The following MEGF8 variants were observed in gnomAD, a reference collection of about 807,000 sequenced individuals.
The protein encoded by MEGF8 is multiple epidermal growth factor-like domains protein 8.
In MEGF8, 156 loss-of-function variants were observed where a neutral mutation model predicts 302.9. The ratio of observed to expected loss-of-function variants is 0.52; its 90% CI spans 0.45 to 0.59. MEGF8 has a LOEUF of 0.59. MEGF8 is among the 20% of genes least tolerant of loss of function. MEGF8 has a pLI of 0.00. For synonymous variants in MEGF8, 1,621 were observed against 1,660.5 expected (o/e 0.98, Z 0.58); for missense variants, 3,345 against 3,964.5 (o/e 0.84, Z 4.20).
intron 38 of MEGF8, 139 bp from the exon 39 acceptor site, chr19:42,370,050 C>T (rs1027773385): frequency 1.3e-5 from 13 of 985,182 alleles, no homozygotes; most frequent in Non-Finnish European, 1.9e-5. Flanking sequence ...GGGCTAAATC[C>T]CGCTGGGATT....
Position 42,334,230 on chromosome 19 carries a change from C to T in MEGF8, c.558+17C>T. 6.4e-7 allele frequency: 1 copy of T among 1,567,826 alleles called. No individual in the cohort carries two copies. The highest frequency in any genetic ancestry group is 8.6e-7 in the Non-Finnish European group (1 of 1,156,812). ...TGCGCCTCGGTGAGCCGGTCCCCAG[C>T]CCTGTTTCCCCTGGGGCCCTGATCT... On this transcript the variant is annotated intron_variant, in intron 3 of 41. Coordinates refer to ENST00000251268, the MANE Select transcript of MEGF8 (RefSeq NM_001271938.2).
intron 35 of MEGF8, among the ~76,000 whole-genome samples, chr19:42,366,874 C>G (rs1419498364): frequency 1.3e-5 from 2 of 152,190 alleles, no homozygotes; most frequent in African/African-American, 4.8e-5. Context: ...AAATTTAGAT[C>G]TGGAAGCCCA....
At chr19:42,340,522 C>G (rs755415685) in intron 8 of MEGF8, among the ~76,000 whole-genome samples, 6 of 152,142 alleles carry the variant, frequency 3.9e-5, no homozygotes, top group Admixed American at 6.6e-5. Flanking sequence ...AGCCACCGTG[C>G]CTGGCCTAAT....
rs377685078 is a variant in MEGF8, at chr19:42,359,175, C to A, written c.5421C>A (p.Asp1807Glu). ...TTCTTGGGGGGCGCTCGGACCCTGA[C>A]GAGTTCAGCAGCGACGTTCTGCTCT... ...MVVLGGRSDPDEFSSDVLLYQ... is the reference protein window; with the variant it reads ...MVVLGGRSDPEEFSSDVLLYQ... Residue 1807 changes from aspartate to glutamate, a missense_variant, in exon 31 of 42, where the codon GAC becomes GAA. Coordinates refer to ENST00000251268, the MANE Select transcript of MEGF8 (RefSeq NM_001271938.2). 6.2e-7 allele frequency: 1 copy of A among 1,604,042 alleles called. No homozygotes were observed. The highest frequency in any genetic ancestry group is 8.5e-7 in the Non-Finnish European group (1 of 1,175,380).
chr19:42,369,523 C>T lies in MEGF8; in HGVS notation c.6642-8C>T, dbSNP rs769196673. 4.4e-6 allele frequency: 7 copies of T among 1,600,614 alleles called. No individual in the cohort carries two copies. The highest frequency in any genetic ancestry group is 5.1e-6 in the Non-Finnish European group (6 of 1,175,044). ...CCACCTGCCCTGACCCCCACTTTGC[C>T]CCTGCAGCATGACAGGGCTGTGCCG... On this transcript the variant is annotated splice_polypyrimidine_tract_variant and splice_region_variant and intron_variant, in intron 37 of 41. Coordinates refer to ENST00000251268, the MANE Select transcript of MEGF8 (RefSeq NM_001271938.2). The surrounding 1 kb of genome is among the most constrained non-coding windows in gnomAD (Gnocchi z 5.7).
Position 42,337,865 on chromosome 19 carries a change from G to A in MEGF8, c.1513+659G>A, listed in dbSNP as rs193263109. 3.4e-4 allele frequency among the ~76,000 whole-genome samples: 51 copies of A among 151,986 alleles called. No individual in the cohort carries two copies. In the East Asian group the frequency reaches 7.7e-3, roughly 23 times the overall value. On this transcript the variant is annotated intron_variant, in intron 8 of 41. Transcript: ENST00000251268. ...GTCGCCCGGGCTAGAGTGCAGTAGC[G>A]TGATCTCAGCTCACTGCGACCTCCA...
chr19:42,353,746 C>T lies in MEGF8; in HGVS notation c.3762-29C>T. On this transcript the variant is annotated intron_variant, in intron 21 of 41. Transcript: ENST00000251268. The surrounding 1 kb of genome is among the most constrained non-coding windows in gnomAD (Gnocchi z 6.1). ...CACAGTGGGGAGGGTCAGGACTGGTCTGACACTGGCTCTTCTCCATCTCCC... is the reference window on the plus strand; with the variant it reads ...CACAGTGGGGAGGGTCAGGACTGGTTTGACACTGGCTCTTCTCCATCTCCC... The T allele has an allele frequency of 6.3e-7, 1 of 1,580,736 alleles. No homozygotes were observed. Among genetic ancestry groups the T allele is most frequent in the Non-Finnish European group, 8.6e-7 (1 of 1,159,334 alleles).
chr19:42,377,376 G>A lies in MEGF8; in HGVS notation c.*601G>A, dbSNP rs1285319476. ...GAGATGAGGCTGGGGATAGTCAGGG[G>A]CTGGATCACCCAGGGCCTTGTGGGC... is the stretch of plus-strand genomic sequence containing the variant. On this transcript the variant is annotated 3_prime_UTR_variant, in exon 42 of 42. Transcript: ENST00000251268. 6.5e-6 allele frequency: 1 copy of A among 152,832 alleles called. No individual in the cohort carries two copies. The highest frequency in any genetic ancestry group is 2.4e-5 in the African/African-American group (1 of 41,448). 9.5% of individuals were successfully genotyped at this position (152,832 alleles called of 1,614,324 possible).
At position 42,344,900 on chromosome 19, in the gene MEGF8, A is replaced by G. The variant is rs778608025; in HGVS notation, c.2097+67A>G. On this transcript the variant is annotated intron_variant, in intron 12 of 41. Transcript: ENST00000251268. This position sits in a 1 kb window ranked among gnomAD's most constrained non-coding sequence, Gnocchi z 4.5. ...TGATCCTAGGGTTTGTTTTTTCTCAAATGCATCTTTATCACTCTTATGTTT... is the reference window on the plus strand; with the variant it reads ...TGATCCTAGGGTTTGTTTTTTCTCAGATGCATCTTTATCACTCTTATGTTT... The G allele has an allele frequency of 1.4e-6, 2 of 1,429,488 alleles. No homozygotes were observed. The highest frequency in any genetic ancestry group is 1.4e-5 in the African/African-American group (1 of 69,064). The allele number at this position is 1,429,488 out of a possible 1,614,324, so 88.6% of individuals were successfully genotyped here. A position where few individuals can be genotyped will look rare whatever the true frequency, so the allele number is the denominator to read the frequency against.
chr19:42,333,823 A>C, intron 2 of MEGF8, 55 bp downstream of exon 2: 1 of 1,595,596 alleles, frequency 6.3e-7, no homozygotes. Context: ...AGAAGAAAGG[A>C]GGGACAGAGA....
At chr19:42,365,833 C>T (rs1354796411) in intron 35 of MEGF8, among the ~76,000 whole-genome samples, 9 of 148,206 alleles carry the variant, frequency 6.1e-5, no homozygotes, top group African/African-American at 2.3e-4. Context: ...CCTGTAATCC[C>T]AGCACTTTGG....
rs377685078 is a variant in MEGF8, at chr19:42,359,175, C to T, written c.5421C>T (p.Asp1807=). 1.5e-5 allele frequency: 24 copies of T among 1,604,160 alleles called. No homozygotes were observed. Among genetic ancestry groups the T allele is most frequent in the African/African-American group, 2.7e-5 (2 of 74,404 alleles). The change falls in exon 31 of 42, where the codon GAC becomes GAT. Residue 1807 remains aspartate, a synonymous_variant. Coordinates refer to ENST00000251268, the MANE Select transcript of MEGF8 (RefSeq NM_001271938.2). Reference sequence around the variant, plus strand: ...TTCTTGGGGGGCGCTCGGACCCTGACGAGTTCAGCAGCGACGTTCTGCTCT... The same window carrying T: ...TTCTTGGGGGGCGCTCGGACCCTGATGAGTTCAGCAGCGACGTTCTGCTCT... ...MVVLGGRSDP[D]EFSSDVLLYQ...
rs1286458673 is a variant in MEGF8 at position 42,334,196 on chromosome 19, C to T, written c.541C>T (p.His181Tyr). 3 of 1,601,922 alleles carry T rather than the reference C, an allele frequency of 1.9e-6. No homozygotes were observed. The highest frequency in any genetic ancestry group is 1.7e-5 in the Admixed American group (1 of 59,534). The change falls in exon 3 of 42, where the codon CAC becomes TAC. Residue 181 changes from histidine to tyrosine, a missense_variant. Coordinates refer to ENST00000251268, the MANE Select transcript of MEGF8 (RefSeq NM_001271938.2). ...GGAGTGCTCAGCCTACTGTGGCAGC[C>T]ACGGCACCTGCGCCTCGGTGAGCCG... is the stretch of plus-strand genomic sequence containing the variant. ...LQECSAYCGS[H>Y]GTCASPLGPC...
Position 42,351,267 on chromosome 19 carries a change from T to C in MEGF8, c.2788T>C (p.Cys930Arg), listed in dbSNP as rs1277010438. 1.3e-6 allele frequency: 2 copies of C among 1,573,826 alleles called. No homozygotes were observed. Among genetic ancestry groups the C allele is most frequent in the Non-Finnish European group, 1.7e-6 (2 of 1,159,322 alleles). Residue 930 changes from cysteine (C) to arginine (R), a missense_variant, in exon 16 of 42, where the codon TGC (cysteine) becomes CGC (arginine). By Grantham distance (180) the Cys-to-Arg change is radical (BLOSUM62 -3). Transcript: ENST00000251268. The surrounding 1 kb of genome is among the most constrained non-coding windows in gnomAD (Gnocchi z 5.6). ...QSTSRKGDAA[C>R]SRRGRGRGAL... ...CACCAGCCGCAAAGGGGACGCGGCA[T>C]GCAGCCGGCGGGGCCGGGGTCGGGG...
chr19:42,333,469 G>A lies in MEGF8; in HGVS notation c.188-136G>A, dbSNP rs148659130. 4.2e-4 allele frequency: 399 copies of A among 955,904 alleles called. 2 individuals are homozygous for A. In the African/African-American group the frequency reaches 5.0e-3, roughly 12 times the overall value. The allele number at this position is 955,904 out of a possible 1,614,324, so 59.2% of individuals were successfully genotyped here. On this transcript the variant is annotated intron_variant, in intron 1 of 41. Coordinates refer to ENST00000251268, the MANE Select transcript of MEGF8 (RefSeq NM_001271938.2). ...ATGAGACTGGGGGCCCCTTCAAGGC[G>A]GGGCCCAGGTCTGACTCATTCTTGA...
At position 42,362,491 on chromosome 19, in the gene MEGF8, G is replaced by T. The variant is rs1354182455; in HGVS notation, c.5952G>T (p.Glu1984Asp). The T allele has an allele frequency of 6.2e-7, 1 of 1,613,956 alleles. No homozygotes were observed. Among genetic ancestry groups the T allele is most frequent in the Non-Finnish European group, 8.5e-7 (1 of 1,179,890 alleles). The stretch of plus-strand genomic sequence containing the variant: ...ATGACTGTCGGATCAACCAGCGAGA[G>T]GTCTTCTGGGCAGGGAACTGCTCCG... ...SENDCRINQR[E>D]VFWAGNCSEA... Residue 1984 changes from glutamate to aspartate, a missense_variant, in exon 34 of 42, where the codon GAG becomes GAT. Physicochemically the swap from Glu to Asp is conservative, Grantham distance 45 (BLOSUM62 2). Coordinates refer to ENST00000251268, the MANE Select transcript of MEGF8 (RefSeq NM_001271938.2).
At chr19:42,373,487 G>T (rs896166141) in intron 41 of MEGF8, among the ~76,000 whole-genome samples, 4 of 151,758 alleles carry the variant, frequency 2.6e-5, no homozygotes, top group Admixed American at 2.0e-4. Context: ...TGCAACCTCT[G>T]CCTCCCTGGT....
chr19:42,370,664 A>T (rs2039672751), intron 39 of MEGF8, 37 bp from the exon 40 acceptor site: 6 of 1,577,676 alleles, frequency 3.8e-6, no homozygotes, highest in Non-Finnish European at 5.2e-6. Flanking sequence ...GGGTTGGTCC[A>T]GGCCTTTCTA....
Position 42,376,756 on chromosome 19 carries a change from T to C in MEGF8, c.8519T>C (p.Leu2840Pro). ...AAGGGACTGTTGAGCCAGGACAACC[T>C]CACCAGCATGTCCCTCTGACATGCC... ...GRKGLLSQDN[L>P]TSMSL The change falls in exon 42 of 42, where the codon CTC becomes CCC. Residue 2840 changes from leucine (L) to proline (P), a missense_variant. Physicochemically the swap from Leu to Pro is moderately conservative, Grantham distance 98. Transcript: ENST00000251268. The surrounding 1 kb of genome is among the most constrained non-coding windows in gnomAD (Gnocchi z 8.2). 1 of 1,456,642 alleles carries C rather than the reference T, an allele frequency of 6.9e-7. No individual in the cohort carries two copies. The highest frequency in any genetic ancestry group is 9.0e-7 in the Non-Finnish European group (1 of 1,105,768). 90.2% of individuals were successfully genotyped at this position (1,456,642 alleles called of 1,614,324 possible). A position where few individuals can be genotyped will look rare whatever the true frequency, so the allele number is the denominator to read the frequency against.
Sources: gnomAD v4.1 joint callset for allele counts (sites outside exome capture counted in the v4.1 genomes callset) on GRCh38, gnomAD v4.1.1 for gene constraint, Gnocchi (gnomAD v3.1) non-coding constraint, MANE v1.5 for transcripts, NCBI Gene and HGNC (gene_info 2026-07-23, HGNC 2026-07-21) for gene names.